GRIN2A: variants seen among roughly 807,000 people sequenced by gnomAD.
GRIN2A encodes glutamate ionotropic receptor NMDA type subunit 2A.
GRIN2A carries 22 observed loss-of-function variants against 113.4 expected under a neutral mutation model. The observed-to-expected ratio is 0.19, with a 90% CI of 0.14 to 0.28. The LOEUF (loss-of-function observed/expected upper bound fraction) is 0.28. GRIN2A is among the 10% of genes least tolerant of loss of function. The probability of loss-of-function intolerance (pLI) is 1.00; values close to 1 mark genes in which losing one functional copy is unlikely to be tolerated. For synonymous variants in GRIN2A, 827 were observed against 738.4 expected (o/e 1.12, Z -1.94); for missense variants, 1,502 against 1,887.0 (o/e 0.80, Z 3.78).
chr16:9,834,332 T>A, intron 7 of GRIN2A, 102 bp from the exon 8 acceptor site: 3 of 1,068,148 alleles, frequency 2.8e-6, no homozygotes, highest in Non-Finnish European at 4.4e-6. Flanking sequence ...CAAAAATATT[T>A]TCTCTAATTT....
rs538340213 is a variant in GRIN2A at position 9,860,846 on chromosome 16, C to G, written c.1123-10885G>C. ...AGTGTCATGGCTGGCCAGTCTTCCT[C>G]AACCACGTGATCCATGTTCGATATA... is the stretch of plus-strand genomic sequence containing the variant. On this transcript the variant is annotated intron_variant, in intron 4 of 12. Transcript: ENST00000330684. 7.9e-4 allele frequency among the ~76,000 whole-genome samples: 121 copies of G among 152,254 alleles called. 1 individual carries two copies. The highest frequency in any genetic ancestry group is 1.6e-3 in the Admixed American group (24 of 15,298).
intron 2 of GRIN2A, among the ~76,000 whole-genome samples, chr16:10,021,743 C>G (rs962619735): frequency 6.6e-6 from 1 of 151,560 alleles, no homozygotes; most frequent in African/African-American, 2.4e-5. Context: ...GGGTTGTCTC[C>G]CCTGTCAGGG....
At chr16:10,179,654 C>CT (rs1304272781) in intron 2 of GRIN2A, 2 of 399,680 alleles carry the variant, frequency 5.0e-6, no homozygotes, top group Non-Finnish European at 9.4e-6. Flanking sequence ...TGCTCCTGGG[C>CT]CCACCTCTGT....
rs745951746 is a variant in GRIN2A at position 9,840,813 on chromosome 16, C to CA, written c.1498-14dup. 0.023 allele frequency: 25,125 copies of CA among 1,079,934 alleles called. 122 individuals carry two copies. Among genetic ancestry groups the CA allele is most frequent in the African/African-American group, 0.064 (2,507 of 39,390 alleles). 66.9% of individuals were successfully genotyped at this position (1,079,934 alleles called of 1,614,324 possible). A position where few individuals can be genotyped will look rare whatever the true frequency, so the allele number is the denominator to read the frequency against. ...GTTGATAGACCACCTGGATGCAAGG[C>CA]AAAAAAAAAAAAAAAAAAAAGAGAG... On this transcript the variant is annotated splice_polypyrimidine_tract_variant and intron_variant, in intron 6 of 12. Coordinates refer to ENST00000330684, the MANE Select transcript of GRIN2A (RefSeq NM_001134407.3).
At position 9,919,717 on chromosome 16, in the gene GRIN2A, A is replaced by G. The variant is rs1025444658; in HGVS notation, c.1007+18242T>C. ...CCAAAGACTTTTCATAATACTTGAA[A>G]CAAAATTCCAAACTCTCATCGTGGT... On this transcript the variant is annotated intron_variant, in intron 3 of 12. Coordinates refer to ENST00000330684, the MANE Select transcript of GRIN2A (RefSeq NM_001134407.3). Among the ~76,000 whole-genome samples, 4 of 152,330 alleles carry G rather than the reference A, an allele frequency of 2.6e-5. No homozygotes were observed. In the East Asian group the frequency reaches 5.8e-4, roughly 22 times the overall value.
At chr16:9,779,541 G>A (rs1901818275) in intron 11 of GRIN2A, among the ~76,000 whole-genome samples, 1 of 152,142 alleles carries the variant, frequency 6.6e-6, no homozygotes, top group Non-Finnish European at 1.5e-5. Flanking sequence ...GGACAGGGAA[G>A]AGAAGGAGGA....
intron 3 of GRIN2A, among the ~76,000 whole-genome samples, chr16:9,899,747 T>C (rs2043881163): frequency 6.6e-6 from 1 of 152,036 alleles, no homozygotes. Context: ...TAGAAGAGGG[T>C]GTGTCCTGAC....
At chr16:9,964,717 C>T (rs11642346) in intron 2 of GRIN2A, among the ~76,000 whole-genome samples, 48,915 of 151,962 alleles carry the variant, frequency 0.32, 8,009 homozygotes, top group Middle Eastern at 0.34. Flanking sequence ...TCTCTGTCCA[C>T]ATCCTGGAAA....
intron 2 of GRIN2A, among the ~76,000 whole-genome samples, chr16:10,167,408 T>A (rs2049947149): frequency 6.6e-6 from 1 of 152,190 alleles, no homozygotes; most frequent in East Asian, 1.9e-4. Flanking sequence ...TTATTTTTGT[T>A]TTGGCAAAAG....
intron 3 of GRIN2A, among the ~76,000 whole-genome samples, chr16:9,930,122 T>C (rs1194785780): frequency 6.6e-6 from 1 of 152,144 alleles, no homozygotes; most frequent in South Asian, 2.1e-4. Context: ...GTTGACTTAG[T>C]GCTCAGGCTG....
chr16:9,877,656 C>G (rs1033748966), intron 4 of GRIN2A, among the ~76,000 whole-genome samples: 2 of 129,278 alleles, frequency 1.5e-5, no homozygotes, highest in African/African-American at 2.9e-5. Flanking sequence ...CTCCCTCTCC[C>G]CCCTCTCTCT....
rs768176150 is a variant in GRIN2A, at chr16:10,115,420, T to G, written c.414+64578A>C. ...AACAGGAAGAGACAGAAGCTCTCCT[T>G]GTTGACCCCACTCCTCTCTTGTCTT... On this transcript the variant is annotated intron_variant, in intron 2 of 12. Coordinates refer to ENST00000330684, the MANE Select transcript of GRIN2A (RefSeq NM_001134407.3). Among the ~76,000 whole-genome samples the G allele has an allele frequency of 2.0e-5, 3 of 152,312 alleles. No homozygotes were observed. The South Asian group carries it at 6.2e-4, about 32-fold the overall frequency.
chr16:9,874,740 G>C (rs1196768599), intron 4 of GRIN2A, among the ~76,000 whole-genome samples: 1 of 152,036 alleles, frequency 6.6e-6, no homozygotes, highest in Non-Finnish European at 1.5e-5. Context: ...TTCTTCATAT[G>C]TAACTGGAGG....
chr16:9,815,526 C>T (rs560194897), intron 10 of GRIN2A, among the ~76,000 whole-genome samples: 25 of 151,566 alleles, frequency 1.6e-4, no homozygotes, highest in Admixed American at 5.3e-4. Context: ...AGGTAAAAAG[C>T]GCTCGATACC....
chr16:9,857,086 T>G (rs1377263243), intron 4 of GRIN2A, among the ~76,000 whole-genome samples: 2 of 152,094 alleles, frequency 1.3e-5, no homozygotes, highest in Non-Finnish European at 2.9e-5. Context: ...AAAATTCCAA[T>G]GTAGGGGTAT....
intron 10 of GRIN2A, among the ~76,000 whole-genome samples, chr16:9,799,250 C>A (rs1903203993): frequency 6.6e-6 from 1 of 152,206 alleles, no homozygotes; most frequent in Admixed American, 6.5e-5. Context: ...GGGTGAACCC[C>A]TAATCCACTG....
intron 2 of GRIN2A, among the ~76,000 whole-genome samples, chr16:10,177,330 C>T (rs543528073): frequency 1.1e-4 from 17 of 152,300 alleles, no homozygotes; most frequent in Non-Finnish European, 1.0e-4. Context: ...CACCGTTCCA[C>T]ATGGGGACCA....
intron 2 of GRIN2A, among the ~76,000 whole-genome samples, chr16:9,974,644 C>T (rs1421715164): frequency 6.6e-6 from 1 of 152,150 alleles, no homozygotes; most frequent in African/African-American, 2.4e-5. Flanking sequence ...GCGGCTCGTC[C>T]TGCTACAAGG....
At chr16:10,088,726 C>T (rs2048128541) in intron 2 of GRIN2A, among the ~76,000 whole-genome samples, 3 of 152,304 alleles carry the variant, frequency 2.0e-5, no homozygotes, top group African/African-American at 7.2e-5. Flanking sequence ...TAGACTATCC[C>T]AACCCCCACC....
Sources: gnomAD v4.1 joint callset for allele counts (sites outside exome capture counted in the v4.1 genomes callset) on GRCh38, gnomAD v4.1.1 for gene constraint, MANE v1.5 for transcripts, NCBI Gene and HGNC (gene_info 2026-07-23, HGNC 2026-07-21) for gene names.